ROBO1: variants seen among roughly 807,000 people sequenced by gnomAD.
The protein encoded by ROBO1 is roundabout homolog 1.
ROBO1 carries 149 observed loss-of-function variants against 195.9 expected under a neutral mutation model. The ratio of observed to expected loss-of-function variants is 0.76; its 90% CI spans 0.67 to 0.87. ROBO1 has a LOEUF of 0.87. ROBO1 is among the 40% of genes least tolerant of loss of function. ROBO1 has a pLI of 0.00. For synonymous variants in ROBO1, 816 were observed against 733.2 expected (o/e 1.11, Z -1.82); for missense variants, 1,933 against 2,068.3 (o/e 0.93, Z 1.27).
intron 1 of ROBO1, among the ~76,000 whole-genome samples, chr3:79,742,364 A>T (rs958560423): frequency 2.6e-5 from 4 of 152,204 alleles, no homozygotes; most frequent in African/African-American, 9.7e-5. Context: ...CCTGGATCCC[A>T]GCTGCTCCAG....
chr3:79,623,347 A>G (rs1437804277), intron 1 of ROBO1, among the ~76,000 whole-genome samples: 1 of 152,220 alleles, frequency 6.6e-6, no homozygotes, highest in Non-Finnish European at 1.5e-5. Flanking sequence ...GGAGGATCAG[A>G]TGGATGATTT....
chr3:78,764,020 C>T (rs772824845), intron 4 of ROBO1, among the ~76,000 whole-genome samples: 3 of 152,040 alleles, frequency 2.0e-5, no homozygotes, highest in Admixed American at 6.6e-5. Context: ...TAGAAGCTGA[C>T]GGGTTTGGAT....
At chr3:78,860,326 A>ATATATATATATATATTTTTTT (rs376853384) in intron 4 of ROBO1, among the ~76,000 whole-genome samples, 1 of 93,506 alleles carries the variant, frequency 1.1e-5, no homozygotes, top group African/African-American at 4.5e-5. Flanking sequence ...ATATATATAT[A>ATATATATATATATATTTTTTT]TTTTTTTTTT....
At chr3:79,364,639 T>C (rs2035898842) in intron 2 of ROBO1, among the ~76,000 whole-genome samples, 1 of 152,146 alleles carries the variant, frequency 6.6e-6, no homozygotes, top group Non-Finnish European at 1.5e-5. Context: ...GTGAAGCAGC[T>C]CTGGTTATAA....
At chr3:79,571,671 T>G (rs969119176) in intron 2 of ROBO1, among the ~76,000 whole-genome samples, 4 of 152,116 alleles carry the variant, frequency 2.6e-5, no homozygotes, top group African/African-American at 4.8e-5. Context: ...ATACTTCCTA[T>G]GTGTTTTGAT....
chr3:79,398,952 T>TG (rs2037256576), intron 2 of ROBO1, among the ~76,000 whole-genome samples: 1 of 152,004 alleles, frequency 6.6e-6, no homozygotes, highest in Admixed American at 6.6e-5. Context: ...ATGATCAAAT[T>TG]TTCTTCCTTT....
At chr3:78,815,530 T>C (rs1000205301) in intron 4 of ROBO1, among the ~76,000 whole-genome samples, 4 of 152,012 alleles carry the variant, frequency 2.6e-5, no homozygotes, top group African/African-American at 9.7e-5. Flanking sequence ...TCTATGAAGG[T>C]TGAGGGAGAT....
At chr3:79,728,186 A>T (rs74843301) in intron 1 of ROBO1, among the ~76,000 whole-genome samples, 1,875 of 152,022 alleles carry the variant, frequency 0.012, 32 homozygotes, top group African/African-American at 0.041. Context: ...TAAAGACTGT[A>T]CTTTTTTTAT....
intron 17 of ROBO1, among the ~76,000 whole-genome samples, chr3:78,658,909 A>G (rs1707207771): frequency 1.3e-5 from 2 of 152,172 alleles, no homozygotes; most frequent in African/African-American, 4.8e-5. Context: ...CAGGTTCTGA[A>G]AGGCATTTTA....
chr3:79,688,495 CA>C (rs1444122837), intron 1 of ROBO1, among the ~76,000 whole-genome samples: 3 of 151,716 alleles, frequency 2.0e-5, no homozygotes, highest in Non-Finnish European at 4.4e-5. Context: ...TATTTTTTGC[CA>C]ATATTCTAAT....
intron 2 of ROBO1, among the ~76,000 whole-genome samples, chr3:79,225,193 C>A (rs1209085344): frequency 1.3e-5 from 2 of 151,530 alleles, no homozygotes; most frequent in African/African-American, 4.9e-5. Flanking sequence ...AAAAAAAAAT[C>A]CCCAGCCATA....
At chr3:78,692,413 G>A (rs895403541) in intron 8 of ROBO1, among the ~76,000 whole-genome samples, 3 of 151,958 alleles carry the variant, frequency 2.0e-5, no homozygotes, top group African/African-American at 7.3e-5. Context: ...GGGATTACAG[G>A]TGTGCGCCAT....
intron 5 of ROBO1, among the ~76,000 whole-genome samples, chr3:78,736,301 C>T (rs1430779497): frequency 2.0e-5 from 3 of 152,058 alleles, no homozygotes; most frequent in African/African-American, 7.2e-5. Flanking sequence ...GAACATAAGA[C>T]AGACATGAGG....
intron 2 of ROBO1, among the ~76,000 whole-genome samples, chr3:79,521,344 C>G (rs1014738180): frequency 6.6e-6 from 1 of 152,084 alleles, no homozygotes; most frequent in Non-Finnish European, 1.5e-5. Flanking sequence ...TTAGGAAACA[C>G]AGGGATTAAT....
At chr3:79,195,985 T>C (rs908597569) in intron 2 of ROBO1, among the ~76,000 whole-genome samples, 18 of 151,574 alleles carry the variant, frequency 1.2e-4, no homozygotes, top group Non-Finnish European at 1.5e-5. Context: ...TTAATTTAAT[T>C]ATTTATTAAA....
intron 3 of ROBO1, among the ~76,000 whole-genome samples, chr3:78,947,538 A>C (rs1646352676): frequency 6.6e-6 from 1 of 152,206 alleles, no homozygotes; most frequent in Non-Finnish European, 1.5e-5. Flanking sequence ...GTAGAGGGAA[A>C]TTTATAGCAC....
At chr3:79,401,632 G>T (rs143024565) in intron 2 of ROBO1, among the ~76,000 whole-genome samples, 9 of 151,800 alleles carry the variant, frequency 5.9e-5, no homozygotes, top group African/African-American at 2.2e-4. Flanking sequence ...ATATGTATTC[G>T]TAAACACAAA....
intron 8 of ROBO1, among the ~76,000 whole-genome samples, chr3:78,712,017 CAAAAAAAAAAAAAAAAA>C (rs56267632): frequency 6.5e-5 from 5 of 76,422 alleles, no homozygotes; most frequent in South Asian, 1.1e-3. Flanking sequence ...AAGACCTTGG[CAAAAAAAAAAAAAAAAA>C]AAAAAAAAAA....
chr3:79,121,406 T>C (rs1435524263), intron 3 of ROBO1, among the ~76,000 whole-genome samples: 2 of 152,074 alleles, frequency 1.3e-5, no homozygotes. Flanking sequence ...TGGGCAAACA[T>C]ACTCATTTGT....
Sources: gnomAD v4.1 joint callset for allele counts (sites outside exome capture counted in the v4.1 genomes callset) on GRCh38, gnomAD v4.1.1 for gene constraint, MANE v1.5 for transcripts, NCBI Gene and HGNC (gene_info 2026-07-23, HGNC 2026-07-21) for gene names.